The following LITAF variants were observed in gnomAD, a reference collection of about 807,000 sequenced individuals.
The protein encoded by LITAF is lipopolysaccharide-induced tumor necrosis factor-alpha factor.
A neutral mutation model predicts 14.5 loss-of-function variants in LITAF; 9 were observed. The observed-to-expected ratio is 0.62, with a 90% CI of 0.37 to 1.08. LITAF has a LOEUF of 1.08. LITAF is among the 50% of genes least tolerant of loss of function. The pLI is 0.01. For missense variants in LITAF, 206 were observed against 213.4 expected, an observed-to-expected ratio of 0.97 and a Z score of 0.22; for synonymous variants, 98 against 88.2, an observed-to-expected ratio of 1.11 and a Z score of -0.62.
intron 3 of LITAF, among the ~76,000 whole-genome samples, chr16:11,608,417 G>A (rs997939749): frequency 1.1e-4 from 16 of 152,208 alleles, no homozygotes; most frequent in African/African-American, 3.9e-4. Context: ...AAGCCCGTAG[G>A]CAGGAATTTG....
At chr16:11,568,599 A>G (rs2064492843) in intron 1 of LITAF, among the ~76,000 whole-genome samples, 1 of 152,030 alleles carries the variant, frequency 6.6e-6, no homozygotes, top group Admixed American at 6.6e-5. Context: ...GTGGAGAAGA[A>G]AGGGGACATC....
At chr16:11,630,211 C>T (rs1420047940) in intron 3 of LITAF, among the ~76,000 whole-genome samples, 1 of 152,182 alleles carries the variant, frequency 6.6e-6, no homozygotes, top group Non-Finnish European at 1.5e-5. Flanking sequence ...ACTTCCCCTC[C>T]TAGCCTCAGC....
rs898519279 is a variant in LITAF at position 11,598,163 on chromosome 16, G to A, written c.-6+225C>T. On this transcript the variant is annotated intron_variant, in intron 1 of 3. Transcript: ENST00000571627. ...TCCTCCTGCCTCAGCCTCCCAAGGT[G>A]CTGGAATTACAGGCATGAGCCTCTG... is the stretch of plus-strand genomic sequence containing the variant. Among the ~76,000 whole-genome samples the A allele has an allele frequency of 3.9e-5, 6 of 152,252 alleles. No homozygotes were observed. The South Asian group carries it at 8.3e-4, about 21-fold the overall frequency.
intron 1 of LITAF, among the ~76,000 whole-genome samples, chr16:11,572,941 T>TTG (rs1040722902): frequency 6.6e-6 from 1 of 151,556 alleles, no homozygotes; most frequent in African/African-American, 2.4e-5. Context: ...TCTTTTTTTT[T>TTG]TTTTTGAGAC....
At chr16:11,630,380 C>A (rs770885585) in intron 3 of LITAF, among the ~76,000 whole-genome samples, 11 of 152,134 alleles carry the variant, frequency 7.2e-5, no homozygotes, top group Non-Finnish European at 1.5e-4. Flanking sequence ...CCAATGATGT[C>A]CTAAAGCCCT....
At chr16:11,594,903 T>TAAAATA (rs138536471) in intron 1 of LITAF, among the ~76,000 whole-genome samples, 2 of 148,922 alleles carry the variant, frequency 1.3e-5, no homozygotes, top group Admixed American at 6.7e-5. Flanking sequence ...TAAAATAAAG[T>TAAAATA]AAAATAAAAA....
intron 2 of LITAF, among the ~76,000 whole-genome samples, chr16:11,554,539 T>C (rs548722450): frequency 2.0e-5 from 3 of 152,044 alleles, no homozygotes; most frequent in East Asian, 1.9e-4. Flanking sequence ...TCCCAGCAAA[T>C]CCCTTGGCTT....
At chr16:11,597,881 G>A (rs965025153) in intron 1 of LITAF, among the ~76,000 whole-genome samples, 5 of 152,132 alleles carry the variant, frequency 3.3e-5, no homozygotes, top group East Asian at 1.9e-4. Context: ...GGCTGGAAAT[G>A]GGACAAAACC....
intron 3 of LITAF, among the ~76,000 whole-genome samples, chr16:11,611,579 G>C (rs868694994): frequency 9.9e-5 from 15 of 151,982 alleles, no homozygotes; most frequent in African/African-American, 3.6e-4. Flanking sequence ...GCCTGGAAAT[G>C]GCTACTAAAT....
At chr16:11,565,026 TAG>T (rs2064429290) in intron 1 of LITAF, among the ~76,000 whole-genome samples, 1 of 137,320 alleles carries the variant, frequency 7.3e-6, no homozygotes, top group African/African-American at 2.7e-5. Context: ...TTTTTTGAGA[TAG>T]AGTCTTGCTC....
intron 1 of LITAF, among the ~76,000 whole-genome samples, chr16:11,583,170 G>A (rs1468938789): frequency 1.3e-5 from 2 of 152,184 alleles, no homozygotes; most frequent in African/African-American, 2.4e-5. Context: ...ATATTTCAGA[G>A]AAATGTGTGC....
upstream of LITAF, among the ~76,000 whole-genome samples, chr16:11,637,748 G>A (rs1597379612): frequency 2.0e-5 from 3 of 151,180 alleles, no homozygotes; most frequent in Admixed American, 2.0e-4. Context: ...CAGGCATGCC[G>A]GTGGTGCCTG....
At chr16:11,566,658 G>C (rs941963374) in intron 1 of LITAF, among the ~76,000 whole-genome samples, 2 of 152,118 alleles carry the variant, frequency 1.3e-5, no homozygotes, top group African/African-American at 2.4e-5. Context: ...CCAGCTACTC[G>C]GAGGCTGAGA....
At chr16:11,607,835 C>A (rs867263027) in intron 3 of LITAF, among the ~76,000 whole-genome samples, 2 of 152,254 alleles carry the variant, frequency 1.3e-5, no homozygotes, top group Middle Eastern at 3.4e-3. Context: ...GGTTTGGCAA[C>A]ATCCCTGACC....
chr16:11,549,736 C>T lies in LITAF; in HGVS notation c.387G>A (p.Ala129=), dbSNP rs777363288. The part of the protein sequence containing the change: ...CGSLCLLGCI[A]GCCFIPFCVD... ...CGCAGAAGGGGATGAAGCAGCAGCC[C>T]GCTATGCACCTGGGAGGAGAGAGAG... Residue 129 remains alanine (A), a synonymous_variant, in exon 4 of 4, where the codon GCG becomes GCA. Transcript: ENST00000622633. The surrounding 1 kb of genome is among the most constrained non-coding windows in gnomAD (Gnocchi z 4.6). 13 of 1,612,478 alleles carry T rather than the reference C, an allele frequency of 8.1e-6. No individual in the cohort carries two copies. Among genetic ancestry groups the T allele is most frequent in the South Asian group, 4.4e-5 (4 of 90,810 alleles).
At chr16:11,613,453 G>C (rs1165285424) in intron 3 of LITAF, among the ~76,000 whole-genome samples, 2 of 152,188 alleles carry the variant, frequency 1.3e-5, no homozygotes, top group Non-Finnish European at 2.9e-5. Flanking sequence ...ACACAGCTGG[G>C]TCTGAGGTGC....
chr16:11,603,669 C>A (rs1286308706), intron 3 of LITAF, among the ~76,000 whole-genome samples: 1 of 152,210 alleles, frequency 6.6e-6, no homozygotes, highest in Admixed American at 6.5e-5. Flanking sequence ...CCCAACCCGG[C>A]CACCTCAGCA....
At chr16:11,606,431 A>AG (rs1283059894) in intron 3 of LITAF, among the ~76,000 whole-genome samples, 1 of 151,952 alleles carries the variant, frequency 6.6e-6, no homozygotes, top group Non-Finnish European at 1.5e-5. Context: ...GGCCTCCCAA[A>AG]GTGCTGGGAT....
chr16:11,619,310 C>CAAAAACA (rs1460712301), intron 3 of LITAF, among the ~76,000 whole-genome samples: 1 of 146,128 alleles, frequency 6.8e-6, no homozygotes. Flanking sequence ...GACTTCGTCT[C>CAAAAACA]AAAAACAAAA....
Sources: allele counts gnomAD v4.1 joint callset (sites outside exome capture counted in the v4.1 genomes callset), GRCh38; gene constraint gnomAD v4.1.1; non-coding constraint Gnocchi (gnomAD v3.1); transcripts MANE v1.5; gene names NCBI Gene and HGNC (gene_info 2026-07-23, HGNC 2026-07-21).